Variants in TPR observed in about 807,000 individuals in gnomAD.
TPR encodes the protein nucleoprotein TPR.
TPR carries 51 observed loss-of-function variants against 316.1 expected under a neutral mutation model. The ratio of observed to expected loss-of-function variants is 0.16; its 90% confidence interval spans 0.13 to 0.20. TPR has a LOEUF of 0.20. Among genes scored for constraint, TPR ranks in the 10% least tolerant of loss-of-function variants. The probability of loss-of-function intolerance (pLI) is 1.00; values close to 1 mark genes in which losing one functional copy is unlikely to be tolerated. For missense variants in TPR, 2,272 were observed against 2,754.8 expected, an observed-to-expected ratio of 0.82 and a Z score of 3.92; for synonymous variants, 981 against 914.7, an observed-to-expected ratio of 1.07 and a Z score of -1.31.
intron 47 of TPR, 39 bp from the exon 48 acceptor site, chr1:186,318,642 T>C (rs1382715081): frequency 3.7e-6 from 6 of 1,603,960 alleles, no homozygotes; most frequent in Non-Finnish European, 5.1e-6. Flanking sequence ...CTTTAAAACT[T>C]TGTGGTTTAT....
chr1:186,358,627 GTCC>G lies in TPR; in HGVS notation c.1410_1412del (p.Glu470del), dbSNP rs1217194262. 1 of 1,611,706 alleles carries G rather than the reference GTCC, an allele frequency of 6.2e-7. No individual in the cohort carries two copies. On this transcript the variant is annotated inframe_deletion, in exon 13 of 51. Transcript: ENST00000367478. The stretch of plus-strand genomic sequence containing the variant: ...ATGATTGCTTGTTGGCTTTATCAGT[GTCC>G]TCCTGCAATCGCTGAATCTCCTTTA...
Position 186,318,579 on chromosome 1 carries a change from G to A in TPR, c.6689C>T (p.Thr2230Ile), listed in dbSNP as rs755635281. 73 of 1,612,402 alleles carry A rather than the reference G, an allele frequency of 4.5e-5. No homozygotes were observed. The highest frequency in any genetic ancestry group is 6.1e-5 in the Non-Finnish European group (72 of 1,179,614). ...APVTVFTEST[T>I]SDASEHASQS... is the part of the protein sequence containing the mutation. Reference sequence around the variant, plus strand: ...AGAGGCATGTTCCGAAGCATCAGAGGTGGTGCTCTCAGTAAATACAGTCAC... The same window carrying A: ...AGAGGCATGTTCCGAAGCATCAGAGATGGTGCTCTCAGTAAATACAGTCAC... The change falls in exon 48 of 51, where the codon ACC (threonine) becomes ATC (isoleucine). Residue 2230 changes from threonine (T) to isoleucine (I), a missense_variant. Physicochemically the swap from Thr to Ile is moderately conservative, Grantham distance 89. Transcript: ENST00000367478.
chr1:186,341,466 C>T, intron 27 of TPR, 77 bp from the exon 28 acceptor site: 8 of 1,396,188 alleles, frequency 5.7e-6, no homozygotes, highest in Non-Finnish European at 7.6e-6. Flanking sequence ...AGCTCAAATC[C>T]TCCCTATGAC....
chr1:186,358,283 T>C (rs1380543223), intron 13 of TPR, among the ~76,000 whole-genome samples: 2 of 152,144 alleles, frequency 1.3e-5, no homozygotes, highest in Non-Finnish European at 2.9e-5. Flanking sequence ...GGGTAGAAAT[T>C]GGAGAAAGCT....
At chr1:186,372,013 T>C (rs1181836509) in intron 2 of TPR, among the ~76,000 whole-genome samples, 1 of 152,198 alleles carries the variant, frequency 6.6e-6, no homozygotes, top group South Asian at 2.1e-4. Flanking sequence ...CTTTTTATTA[T>C]GGCTAGGCAA....
intron 18 of TPR, among the ~76,000 whole-genome samples, chr1:186,352,608 A>G (rs1439678441): frequency 1.3e-5 from 2 of 152,224 alleles, no homozygotes; most frequent in African/African-American, 2.4e-5. Context: ...ACTCATATTT[A>G]CACACAAGTA....
chr1:186,345,117 G>A (rs1658636683), intron 24 of TPR, among the ~76,000 whole-genome samples: 1 of 130,000 alleles, frequency 7.7e-6, no homozygotes, highest in South Asian at 2.8e-4. Context: ...AATACTGTGT[G>A]CACATACATA....
intron 30 of TPR, among the ~76,000 whole-genome samples, chr1:186,338,852 T>C (rs1261424926): frequency 1.3e-5 from 2 of 152,144 alleles, no homozygotes; most frequent in African/African-American, 2.4e-5. Flanking sequence ...TCAGATGGCC[T>C]GAATTAGGTA....
chr1:186,357,290 C>T lies in TPR; in HGVS notation c.1724+107G>A, dbSNP rs1237406538. 7.6e-6 allele frequency: 8 copies of T among 1,050,516 alleles called. No individual in the cohort carries two copies. In the East Asian group the frequency reaches 9.9e-5, roughly 13 times the overall value. 65.1% of individuals were successfully genotyped at this position (1,050,516 alleles called of 1,614,324 possible). Reference sequence around the variant, plus strand: ...CTCGACCTCCTGGGCTCAAATGATACCCCATTTAGGCCTCCCAAAACGTTG... The same window carrying T: ...CTCGACCTCCTGGGCTCAAATGATATCCCATTTAGGCCTCCCAAAACGTTG... On this transcript the variant is annotated intron_variant, in intron 14 of 50. Coordinates refer to ENST00000367478, the MANE Select transcript of TPR (RefSeq NM_003292.3).
At chr1:186,326,567 A>T (rs974959599) in intron 40 of TPR, among the ~76,000 whole-genome samples, 1 of 152,122 alleles carries the variant, frequency 6.6e-6, no homozygotes. Context: ...AAATTACACT[A>T]TATCAGGAGC....
intron 9 of TPR, among the ~76,000 whole-genome samples, chr1:186,361,270 T>C (rs1009172592): frequency 2.6e-5 from 4 of 151,904 alleles, no homozygotes; most frequent in African/African-American, 7.2e-5. Flanking sequence ...TAAAAGACTT[T>C]ACAAAATGCA....
At chr1:186,324,101 A>C (rs1386373246) in intron 42 of TPR, among the ~76,000 whole-genome samples, 2 of 152,078 alleles carry the variant, frequency 1.3e-5, no homozygotes, top group Non-Finnish European at 2.9e-5. Flanking sequence ...CTTTGAGTCT[A>C]TTTTTTGGTT....
rs768151378 is a variant in TPR, at chr1:186,333,133, A to G, written c.5444T>C (p.Val1815Ala). Residue 1815 changes from valine (V) to alanine (A), a missense_variant, in exon 37 of 51, where the codon GTA becomes GCA. Coordinates refer to ENST00000367478, the MANE Select transcript of TPR (RefSeq NM_003292.3). ...PVERPSTSTA[V>A]FGTVSATPSS... ...AAAATTAATTTTACCTGTGCCAAATACTGCTGTGGAAGTAGAAGGCCGCTC... is the reference window on the plus strand; with the variant it reads ...AAAATTAATTTTACCTGTGCCAAATGCTGCTGTGGAAGTAGAAGGCCGCTC... 1.2e-6 allele frequency: 2 copies of G among 1,613,270 alleles called. No individual in the cohort carries two copies. Among genetic ancestry groups the G allele is most frequent in the East Asian group, 2.2e-5 (1 of 44,866 alleles).
chr1:186,317,806 A>T (rs1657654704), intron 48 of TPR, among the ~76,000 whole-genome samples: 1 of 152,204 alleles, frequency 6.6e-6, no homozygotes, highest in Admixed American at 6.5e-5. Context: ...TCCTTTTCTC[A>T]CTATGACATG....
rs751798032 is a variant in TPR at position 186,341,370 on chromosome 1, G to C, written c.3770C>G (p.Ala1257Gly). 6.2e-7 allele frequency: 1 copy of C among 1,612,710 alleles called. No homozygotes were observed. The highest frequency in any genetic ancestry group is 8.5e-7 in the Non-Finnish European group (1 of 1,179,864). The change falls in exon 28 of 51, where the codon GCT becomes GGT. Residue 1257 changes from alanine (A) to glycine (G), a missense_variant. By Grantham distance (60) the Ala-to-Gly change is moderately conservative. Transcript: ENST00000367478. ...TTTCTTCATCAGTTCTTCATGCTGA[G>C]CCATTGTTTTTGCAGTTACCTAAAC... ...EKVQVTAKTM[A>G]QHEELMKKTE...
intron 6 of TPR, among the ~76,000 whole-genome samples, chr1:186,362,618 C>T (rs1299833235): frequency 6.6e-6 from 1 of 151,942 alleles, no homozygotes; most frequent in Admixed American, 6.6e-5. Flanking sequence ...AAAGATATAT[C>T]GTAAGACAGT....
At chr1:186,341,535 T>G in intron 27 of TPR, 146 bp from the exon 28 acceptor site, 1 of 830,890 alleles carries the variant, frequency 1.2e-6, no homozygotes, top group Non-Finnish European at 1.8e-6. Context: ...AGTTCACGTT[T>G]ACTTTTCTGT....
intron 39 of TPR, among the ~76,000 whole-genome samples, chr1:186,330,840 GA>G (rs1391641898): frequency 6.6e-6 from 1 of 152,118 alleles, no homozygotes; most frequent in Non-Finnish European, 1.5e-5. Flanking sequence ...AGGAAGAAAG[GA>G]AAGTAATAAT....
chr1:186,343,182 T>TG (rs1177400687), intron 27 of TPR, 144 bp downstream of exon 27: 1 of 1,092,846 alleles, frequency 9.2e-7, no homozygotes, highest in East Asian at 2.5e-5. Context: ...ACTATATTAG[T>TG]GTTTAACAAA....
Sources: allele counts gnomAD v4.1 joint callset (sites outside exome capture counted in the v4.1 genomes callset), GRCh38; gene constraint gnomAD v4.1.1; transcripts MANE v1.5; gene names NCBI Gene and HGNC (gene_info 2026-07-23, HGNC 2026-07-21).